SEZ6: variants seen among roughly 807,000 people sequenced by gnomAD.
SEZ6 encodes seizure protein 6 homolog.
SEZ6 carries 53 observed loss-of-function variants against 101.0 expected under a neutral mutation model. The ratio of observed to expected loss-of-function variants is 0.52; its 90% CI spans 0.42 to 0.66. The LOEUF is 0.66. SEZ6 is among the 30% of genes least tolerant of loss of function. SEZ6 has a pLI of 0.00. For synonymous variants in SEZ6, 488 were observed against 512.2 expected (o/e 0.95, Z 0.64); for missense variants, 1,102 against 1,289.4 (o/e 0.85, Z 2.23).
At chr17:28,958,971 T>G in intron 10 of SEZ6, 54 bp downstream of exon 10, 1 of 1,551,122 alleles carries the variant, frequency 6.4e-7, no homozygotes, top group Non-Finnish European at 8.7e-7. Flanking sequence ...CCTAGCCTCT[T>G]TGGCTTGCCA....
In SEZ6 at chr17:28,956,745, C is replaced by CA; in HGVS notation, c.2704_2705insT (p.Gly902ValfsTer76). The CA allele has an allele frequency of 6.4e-7, 1 of 1,563,770 alleles. No individual in the cohort carries two copies. Among genetic ancestry groups the CA allele is most frequent in the Non-Finnish European group, 8.7e-7 (1 of 1,153,818 alleles). The stretch of plus-strand genomic sequence containing the variant: ...ATCCAGGCTGCGACTGTTGTAGAAC[C>CA]CATCCAGAGAGGCTGGAACAAAAGG... On this transcript the variant is annotated frameshift_variant, in exon 14 of 17. Coordinates refer to ENST00000317338, the MANE Select transcript of SEZ6 (RefSeq NM_178860.5). LOFTEE classifies it high-confidence loss of function.
intron 1 of SEZ6, among the ~76,000 whole-genome samples, chr17:28,996,120 C>T (rs952051548): frequency 6.6e-6 from 1 of 151,760 alleles, no homozygotes; most frequent in Non-Finnish European, 1.5e-5. Context: ...CCTGCCTCAG[C>T]CTCCCGGGTG....
rs551218368 is a variant in SEZ6 at position 28,988,610 on chromosome 17, C to T, written c.56-6571G>A. Among the ~76,000 whole-genome samples the T allele has an allele frequency of 2.8e-4, 42 of 152,336 alleles. No individual in the cohort carries two copies. In the East Asian group the frequency reaches 6.2e-3, roughly 22 times the overall value. ...ACAAGCTGATGGGTCCCCATTGCCC[C>T]GGACTACCCTCTCTTCCCCTGCCAC... On this transcript the variant is annotated intron_variant, in intron 1 of 16. Transcript: ENST00000317338.
At position 28,971,602 on chromosome 17, in the gene SEZ6, A is replaced by C. The variant is rs117693874; in HGVS notation, c.859-1650T>G. Among the ~76,000 whole-genome samples, 204 of 152,280 alleles carry C rather than the reference A, an allele frequency of 1.3e-3. 1 individual carries two copies. Among genetic ancestry groups the C allele is most frequent in the Non-Finnish European group, 2.2e-3 (153 of 68,020 alleles). On this transcript the variant is annotated intron_variant, in intron 3 of 16. Transcript: ENST00000317338. ...AAGCGAAACTCCATTTCAAAACAAA[A>C]AAAAAAAGGAAATACAGAATCTCAG...
rs1840120529 is a variant in SEZ6 at position 28,981,622 on chromosome 17, C to T, written c.473G>A (p.Gly158Glu). The change falls in exon 2 of 17, where the codon GGG becomes GAG. Residue 158 changes from glycine (G) to glutamate (E), a missense_variant. By Grantham distance (98) the Gly-to-Glu change is moderately conservative (BLOSUM62 -2). Transcript: ENST00000317338. Reference protein sequence around the residue: ...MLRITAPLPPGPSMAVPTLGP... With the variant: ...MLRITAPLPPEPSMAVPTLGP... ...TAGGGTGGGCACTGCCATGCTGGGC[C>T]CTGGAGGTAGGGGAGCTGTGATTCG... 6.3e-7 allele frequency: 1 copy of T among 1,590,678 alleles called. No individual in the cohort carries two copies. The highest frequency in any genetic ancestry group is 1.3e-5 in the African/African-American group (1 of 74,458).
chr17:28,981,246 C>T (rs1047410431), intron 2 of SEZ6, 125 bp downstream of exon 2: 1 of 1,434,384 alleles, frequency 7.0e-7, no homozygotes, highest in African/African-American at 1.4e-5. Context: ...CTACATGCCT[C>T]CTGCAGGCTG....
chr17:28,984,799 A>G (rs945998480), intron 1 of SEZ6, among the ~76,000 whole-genome samples: 9 of 152,088 alleles, frequency 5.9e-5, no homozygotes, highest in Non-Finnish European at 1.3e-4. Context: ...CCTGCCCCCT[A>G]GTTTCCCAGG....
chr17:29,005,921 G>C lies in SEZ6; in HGVS notation c.-52C>G. 1 of 1,374,588 alleles carries C rather than the reference G, an allele frequency of 7.3e-7. No homozygotes were observed. Among genetic ancestry groups the C allele is most frequent in the Non-Finnish European group, 9.5e-7 (1 of 1,056,032 alleles). 85.1% of individuals were successfully genotyped at this position (1,374,588 alleles called of 1,614,324 possible). On this transcript the variant is annotated 5_prime_UTR_variant, in exon 1 of 17. Coordinates refer to ENST00000317338, the MANE Select transcript of SEZ6 (RefSeq NM_178860.5). The surrounding 1 kb of genome is among the most constrained non-coding windows in gnomAD (Gnocchi z 4.8). ...CTGGGACCGCGGCGGGAGGGCGGGG[G>C]GCTTGGTGGGGCTTGGGCGCGGGGG...
At chr17:28,984,411 C>G (rs1451833782) in intron 1 of SEZ6, among the ~76,000 whole-genome samples, 2 of 152,206 alleles carry the variant, frequency 1.3e-5, no homozygotes, top group East Asian at 3.9e-4. Flanking sequence ...GAGTACCCAA[C>G]AAGAGATGTG....
At position 28,959,861 on chromosome 17, in the gene SEZ6, A is replaced by G; in HGVS notation, c.1608T>C (p.Phe536=). ...AFQQGHCYEP[F]VKYGNFSSST... is the part of the protein sequence containing the mutation. Reference sequence around the variant, plus strand: ...TGCTGCTGAAGTTACCGTATTTGACAAAGGGCTCATAGCAATGGCCCTGCT... The same window carrying G: ...TGCTGCTGAAGTTACCGTATTTGACGAAGGGCTCATAGCAATGGCCCTGCT... Residue 536 remains phenylalanine, a synonymous_variant, in exon 8 of 17, where the codon TTT becomes TTC. Coordinates refer to ENST00000317338, the MANE Select transcript of SEZ6 (RefSeq NM_178860.5). The surrounding 1 kb of genome is among the most constrained non-coding windows in gnomAD (Gnocchi z 4.4). The G allele has an allele frequency of 6.2e-7, 1 of 1,612,982 alleles. No homozygotes were observed. The highest frequency in any genetic ancestry group is 8.5e-7 in the Non-Finnish European group (1 of 1,179,488).
intron 5 of SEZ6, among the ~76,000 whole-genome samples, chr17:28,963,656 C>T (rs1342283798): frequency 6.6e-6 from 1 of 152,218 alleles, no homozygotes; most frequent in East Asian, 1.9e-4. Context: ...TATGTCTTTT[C>T]ATTGGTGCTT....
At chr17:28,998,286 C>T (rs1359487896) in intron 1 of SEZ6, among the ~76,000 whole-genome samples, 2 of 151,954 alleles carry the variant, frequency 1.3e-5, no homozygotes, top group Non-Finnish European at 2.9e-5. Flanking sequence ...GTTCTGTCCT[C>T]CCAGACTCAT....
chr17:28,970,688 C>A (rs1331738414), intron 3 of SEZ6, among the ~76,000 whole-genome samples: 1 of 152,198 alleles, frequency 6.6e-6, no homozygotes, highest in African/African-American at 2.4e-5. Flanking sequence ...GGGCTTAACC[C>A]ACTCCTCCCT....
At chr17:28,983,877 G>T (rs972086213) in intron 1 of SEZ6, among the ~76,000 whole-genome samples, 1 of 152,106 alleles carries the variant, frequency 6.6e-6, no homozygotes, top group Admixed American at 6.5e-5. Context: ...AGATTGGCAG[G>T]CATGAGGAAG....
At position 28,987,926 on chromosome 17, in the gene SEZ6, G is replaced by C. The variant is rs532599229; in HGVS notation, c.56-5887C>G. 3.7e-4 allele frequency among the ~76,000 whole-genome samples: 57 copies of C among 152,304 alleles called. No individual in the cohort carries two copies. In the East Asian group the frequency reaches 9.6e-3, roughly 26 times the overall value. Reference sequence around the variant, plus strand: ...AGCTCAGCTGTCTACTGCTCTTGCTGGCTTTCGGCTGTAGCACCTGGGGCC... The same window carrying C: ...AGCTCAGCTGTCTACTGCTCTTGCTCGCTTTCGGCTGTAGCACCTGGGGCC... On this transcript the variant is annotated intron_variant, in intron 1 of 16. Transcript: ENST00000317338.
In SEZ6 at chr17:29,005,138, G is replaced by A. The variant is rs1411792754; in HGVS notation, c.55+677C>T. 6.6e-6 allele frequency among the ~76,000 whole-genome samples: 1 copy of A among 151,680 alleles called. No homozygotes were observed. Among genetic ancestry groups the A allele is most frequent in the East Asian group, 1.9e-4 (1 of 5,168 alleles). On this transcript the variant is annotated intron_variant, in intron 1 of 16. Coordinates refer to ENST00000317338, the MANE Select transcript of SEZ6 (RefSeq NM_178860.5). This position sits in a 1 kb window ranked among gnomAD's most constrained non-coding sequence, Gnocchi z 4.8. The stretch of plus-strand genomic sequence containing the variant: ...GTGTGTACAAGGAAAGGACTTTGGG[G>A]AGGACAGAGTCTCTATCCCAGGATC...
chr17:28,958,163 A>G (rs1488398512), intron 10 of SEZ6, 22 bp from the exon 11 acceptor site: 1 of 1,575,026 alleles, frequency 6.3e-7, no homozygotes. Context: ...GAGGCACAAG[A>G]TGCAGGCCCT....
chr17:28,982,495 C>T (rs1323748553), intron 1 of SEZ6, among the ~76,000 whole-genome samples: 9 of 152,182 alleles, frequency 5.9e-5, no homozygotes, highest in South Asian at 2.1e-4. Flanking sequence ...AGATGAAAAC[C>T]GTAAGTGTGT....
At chr17:28,987,939 A>G (rs2041405078) in intron 1 of SEZ6, among the ~76,000 whole-genome samples, 1 of 152,142 alleles carries the variant, frequency 6.6e-6, no homozygotes. Context: ...TTTCGGCTGT[A>G]GCACCTGGGG....
Sources: allele counts gnomAD v4.1 joint callset (sites outside exome capture counted in the v4.1 genomes callset), GRCh38; gene constraint gnomAD v4.1.1; non-coding constraint Gnocchi (gnomAD v3.1); transcripts MANE v1.5; gene names NCBI Gene and HGNC (gene_info 2026-07-23, HGNC 2026-07-21).